Variants in DMD observed in about 807,000 individuals in gnomAD.
DMD encodes the protein mutant dystrophin.
A neutral mutation model predicts 330.1 loss-of-function variants in DMD; 63 were observed. The observed-to-expected ratio is 0.19, with a 90% CI of 0.16 to 0.24. The LOEUF is 0.24. DMD is among the 10% of genes least tolerant of loss of function. DMD has a pLI of 1.00. For synonymous variants in DMD, 1,223 were observed against 959.8 expected (o/e 1.27, Z -5.07); for missense variants, 3,344 against 2,684.1 (o/e 1.25, Z -5.43).
Position 32,111,176 on chromosome X carries a change from C to T in DMD, c.6438+105740G>A, listed in dbSNP as rs2096587698. On this transcript the variant is annotated intron_variant, in intron 44 of 78. Transcript: ENST00000357033. ...TACGCATGCAGCATTTTATAACAGT[C>T]CTAGGATATGTGTATATACAGAGGG... Among the ~76,000 whole-genome samples the T allele has an allele frequency of 5.4e-5, 6 of 111,652 alleles. No homozygotes were observed. The Admixed American group carries it at 5.7e-4, about 11-fold the overall frequency.
intron 1 of DMD, among the ~76,000 whole-genome samples, chrX:33,162,556 A>C (rs912821657): frequency 1.8e-5 from 2 of 111,690 alleles, no homozygotes; most frequent in African/African-American, 6.5e-5. Flanking sequence ...GAATACTTGA[A>C]ACTGACTCAA....
At chrX:31,706,987 A>C (rs2084248241) in intron 52 of DMD, among the ~76,000 whole-genome samples, 1 of 112,133 alleles carries the variant, frequency 8.9e-6, no homozygotes, top group South Asian at 3.7e-4. Context: ...GTTGTGTTCC[A>C]AAACAAAAGA....
chrX:32,869,603 C>G (rs773985182), intron 2 of DMD, among the ~76,000 whole-genome samples: 2 of 108,508 alleles, frequency 1.8e-5, no homozygotes, highest in Admixed American at 2.0e-4. Context: ...ACAATGCTAC[C>G]GCAAGTATCA....
intron 44 of DMD, among the ~76,000 whole-genome samples, chrX:32,071,658 T>TA (rs200677043): frequency 7.3e-4 from 75 of 103,374 alleles, no homozygotes; most frequent in African/African-American, 2.2e-3. Context: ...TAAAGTAGAA[T>TA]AAAAAAAAAA....
At chrX:32,684,010 C>CACACAT (rs1485498840) in intron 9 of DMD, among the ~76,000 whole-genome samples, 2 of 78,787 alleles carry the variant, frequency 2.5e-5, no homozygotes. Context: ...CACACACACA[C>CACACAT]ACATACATAC....
chrX:31,252,298 T>A (rs772762908), intron 63 of DMD, among the ~76,000 whole-genome samples: 1 of 112,451 alleles, frequency 8.9e-6, no homozygotes, highest in Non-Finnish European at 1.9e-5. Flanking sequence ...GAATAAAGAA[T>A]GTCATATGGA....
chrX:31,689,357 C>T (rs2082941154), intron 52 of DMD, among the ~76,000 whole-genome samples: 1 of 111,858 alleles, frequency 8.9e-6, no homozygotes, highest in Non-Finnish European at 1.9e-5. Context: ...CATGAGTGAA[C>T]TCTCATTCAC....
chrX:32,754,907 T>C (rs2748311), intron 7 of DMD: 43,379 of 110,250 alleles, frequency 0.39, 6,572 homozygotes, highest in African/African-American at 0.51. Flanking sequence ...CATAAGCTGA[T>C]ATTTTATTTT....
At chrX:31,687,161 T>A (rs1334942585) in intron 52 of DMD, among the ~76,000 whole-genome samples, 1 of 111,547 alleles carries the variant, frequency 9.0e-6, no homozygotes, top group Non-Finnish European at 1.9e-5. Context: ...GAATAACCAG[T>A]TGCAATACCC....
At chrX:31,343,618 T>A (rs992706829) in intron 61 of DMD, among the ~76,000 whole-genome samples, 1,098 of 81,575 alleles carry the variant, frequency 0.013, 15 homozygotes, top group African/African-American at 0.051. Flanking sequence ...TGTGTGTGTG[T>A]GAGAGAGAGA....
intron 1 of DMD, among the ~76,000 whole-genome samples, chrX:33,066,364 G>A (rs938384706): frequency 3.9e-5 from 4 of 101,790 alleles, no homozygotes; most frequent in African/African-American, 1.1e-4. Context: ...CATGAGAATC[G>A]CTTGAACCTG....
At chrX:31,504,619 G>A (rs1442678670) in intron 56 of DMD, among the ~76,000 whole-genome samples, 3 of 111,396 alleles carry the variant, frequency 2.7e-5, no homozygotes, top group Non-Finnish European at 5.7e-5. Context: ...TGCCACTAAT[G>A]GTTCTATATC....
chrX:32,321,864 A>G (rs1402091247), intron 41 of DMD, among the ~76,000 whole-genome samples: 1 of 111,943 alleles, frequency 8.9e-6, no homozygotes, highest in Non-Finnish European at 1.9e-5. Flanking sequence ...CCATACAAGT[A>G]GTATACTAGA....
intron 76 of DMD, among the ~76,000 whole-genome samples, chrX:31,138,769 ACTT>A (rs1278412626): frequency 2.7e-5 from 3 of 109,493 alleles, no homozygotes; most frequent in East Asian, 2.9e-4. Flanking sequence ...ATGGGGGAAA[ACTT>A]CTTCATGATC....
chrX:33,297,239 T>G (rs2148934972), intron 1 of DMD, among the ~76,000 whole-genome samples: 1 of 111,726 alleles, frequency 9.0e-6, no homozygotes, highest in East Asian at 2.8e-4. Flanking sequence ...AAAATAGACT[T>G]TGATAGTAGA....
intron 13 of DMD, among the ~76,000 whole-genome samples, chrX:32,581,239 G>A (rs1182346012): frequency 8.9e-6 from 1 of 112,168 alleles, no homozygotes; most frequent in South Asian, 3.7e-4. Context: ...AAATTCTAAC[G>A]TACATACCTA....
chrX:32,887,265 T>C (rs1443491071), intron 2 of DMD, among the ~76,000 whole-genome samples: 1 of 108,380 alleles, frequency 9.2e-6, no homozygotes, highest in African/African-American at 3.4e-5. Flanking sequence ...GAGAATGGTG[T>C]GAACCCGGGA....
At chrX:32,832,394 A>G (rs1024661607) in intron 4 of DMD, among the ~76,000 whole-genome samples, 7 of 111,622 alleles carry the variant, frequency 6.3e-5, no homozygotes, top group African/African-American at 2.3e-4. Flanking sequence ...CTGAAACCTC[A>G]AGCATGTACT....
At chrX:31,152,469 A>G (rs1569356803) in intron 74 of DMD, among the ~76,000 whole-genome samples, 1 of 111,509 alleles carries the variant, frequency 9.0e-6, no homozygotes, top group Non-Finnish European at 1.9e-5. Context: ...TGGTCTGAGC[A>G]TCTTAAATGT....
Sources: allele counts gnomAD v4.1 joint callset (sites outside exome capture counted in the v4.1 genomes callset), GRCh38; gene constraint gnomAD v4.1.1; transcripts MANE v1.5; gene names NCBI Gene and HGNC (gene_info 2026-07-23, HGNC 2026-07-21).